USP34: variants seen among roughly 807,000 people sequenced by gnomAD.
USP34 encodes the protein ubiquitin carboxyl-terminal hydrolase 34.
Under a neutral mutation model 460.3 loss-of-function variants are expected in USP34, and 70 were observed. That is an observed-to-expected ratio of 0.15 (90% CI 0.13 to 0.19). USP34 has a LOEUF of 0.19. USP34 is among the 10% of genes least tolerant of loss of function. The pLI, the probability that USP34 is intolerant of heterozygous loss-of-function variation, is 1.00. For missense variants in USP34, 3,985 were observed against 4,236.2 expected (o/e 0.94, Z 1.65); for synonymous variants, 1,647 against 1,405.3 (o/e 1.17, Z -3.85).
chr2:61,347,131 C>A (rs1044973427), intron 15 of USP34, among the ~76,000 whole-genome samples: 1 of 151,808 alleles, frequency 6.6e-6, no homozygotes, highest in African/African-American at 2.4e-5. Flanking sequence ...CAGAGCGAGA[C>A]CCTGTCTCAA....
At chr2:61,399,614 G>A (rs1422942977) in intron 3 of USP34, among the ~76,000 whole-genome samples, 1 of 152,046 alleles carries the variant, frequency 6.6e-6, no homozygotes, top group Non-Finnish European at 1.5e-5. Context: ...GCTCATGCCT[G>A]TAATTCCCAG....
At chr2:61,442,250 A>G (rs1358693037) in intron 1 of USP34, among the ~76,000 whole-genome samples, 3 of 152,274 alleles carry the variant, frequency 2.0e-5, no homozygotes, top group South Asian at 4.1e-4. Context: ...CAAACAACAA[A>G]TGGAATTATG....
rs1416875523 is a variant in USP34, at chr2:61,188,617, T to C, written c.10126A>G (p.Thr3376Ala). 2 of 1,614,074 alleles carry C rather than the reference T, an allele frequency of 1.2e-6. No homozygotes were observed. The highest frequency in any genetic ancestry group is 1.7e-6 in the Non-Finnish European group (2 of 1,180,048). The change falls in exon 80 of 80, where the codon ACC becomes GCC. Residue 3376 changes from threonine to alanine, a missense_variant. Coordinates refer to ENST00000398571, the MANE Select transcript of USP34 (RefSeq NM_014709.4). ...DSCISDMKTE[T>A]REVLTPTSTS... is the part of the protein sequence containing the mutation. ...CTCGTTGGGGTCAGGACCTCCCTGG[T>C]TTCTGTTTTCATGTCACTGATGCAG...
intron 5 of USP34, among the ~76,000 whole-genome samples, chr2:61,393,039 G>A (rs1432437349): frequency 6.6e-6 from 1 of 152,138 alleles, no homozygotes; most frequent in East Asian, 1.9e-4. Context: ...TATGTCAAGT[G>A]TTACATTATG....
intron 10 of USP34, among the ~76,000 whole-genome samples, chr2:61,370,075 C>A (rs1692573885): frequency 6.8e-6 from 1 of 147,118 alleles, no homozygotes. Flanking sequence ...ATGAGAATAA[C>A]AGGAAAATGT....
At chr2:61,264,739 G>T (rs564090938) in intron 43 of USP34, among the ~76,000 whole-genome samples, 52 of 152,128 alleles carry the variant, frequency 3.4e-4, no homozygotes, top group African/African-American at 1.1e-3. Context: ...ATAGCCCATA[G>T]TTGGCCGGGC....
At chr2:61,241,683 T>C in intron 52 of USP34, 28 bp from the exon 53 acceptor site, 8 of 1,557,884 alleles carry the variant, frequency 5.1e-6, no homozygotes, top group Non-Finnish European at 6.9e-6. Flanking sequence ...AAAATTTATT[T>C]TCATTTTGAC....
chr2:61,458,807 C>T (rs1352410939), intron 1 of USP34, among the ~76,000 whole-genome samples: 1 of 152,050 alleles, frequency 6.6e-6, no homozygotes, highest in Admixed American at 6.6e-5. Flanking sequence ...GTGGCTCACG[C>T]CTGTAATCCC....
chr2:61,316,547 T>G (rs1408054065), intron 23 of USP34, among the ~76,000 whole-genome samples: 3 of 151,726 alleles, frequency 2.0e-5, no homozygotes, highest in Non-Finnish European at 4.4e-5. Context: ...ACTGTGCCAC[T>G]GCACTCCAGC....
intron 3 of USP34, among the ~76,000 whole-genome samples, chr2:61,397,286 T>C (rs1340481092): frequency 6.6e-6 from 1 of 151,010 alleles, no homozygotes; most frequent in Non-Finnish European, 1.5e-5. Context: ...CTACTAAAAA[T>C]ACAAAAATTA....
intron 12 of USP34, among the ~76,000 whole-genome samples, chr2:61,349,709 CG>C (rs1691887333): frequency 6.6e-6 from 1 of 151,892 alleles, no homozygotes; most frequent in East Asian, 1.9e-4. Context: ...GGCGTGGTGG[CG>C]GGCACCTGTA....
chr2:61,212,205 T>C (rs762040214), intron 68 of USP34, among the ~76,000 whole-genome samples: 62 of 152,142 alleles, frequency 4.1e-4, no homozygotes, highest in Non-Finnish European at 7.6e-4. Context: ...AAACTCTGTC[T>C]CTACTAAAAT....
At position 61,281,119 on chromosome 2, in the gene USP34, G is replaced by A. The variant is rs572101307; in HGVS notation, c.5122C>T (p.Pro1708Ser). 5.0e-6 allele frequency: 8 copies of A among 1,613,702 alleles called. No individual in the cohort carries two copies. In the East Asian group the frequency reaches 1.8e-4, roughly 36 times the overall value. ...ATAGGTTTGAGTGCTTGAGCATCAG[G>A]AAGAAATTTCAATAATGTTGAGGCA... is the stretch of plus-strand genomic sequence containing the variant. The part of the protein sequence containing the change: ...LAASTLLKFL[P>S]DAQALKPIRI... Residue 1708 changes from proline to serine, a missense_variant, in exon 38 of 80, where the codon CCT (proline) becomes TCT (serine). By Grantham distance (74) the Pro-to-Ser change is moderately conservative. Transcript: ENST00000398571.
chr2:61,256,775 T>C (rs753001121), intron 47 of USP34, 98 bp downstream of exon 47: 6 of 895,732 alleles, frequency 6.7e-6, no homozygotes, highest in Admixed American at 3.3e-5. Flanking sequence ...CATAAAAACA[T>C]GAAAAAAGTT....
intron 1 of USP34, among the ~76,000 whole-genome samples, chr2:61,465,771 A>T (rs188291787): frequency 2.0e-5 from 3 of 152,100 alleles, no homozygotes; most frequent in Admixed American, 1.3e-4. Flanking sequence ...AGGTCAAGAG[A>T]TCGAGACCAT....
In USP34 at chr2:61,417,445, T is replaced by C. The variant is rs1558582464; in HGVS notation, c.131+3301A>G. 1.7e-5 allele frequency: 6 copies of C among 360,528 alleles called. No individual in the cohort carries two copies. In the East Asian group the frequency reaches 2.9e-4, roughly 17 times the overall value. The allele number at this position is 360,528 out of a possible 1,614,324, so 22.3% of individuals were successfully genotyped here. A position where few individuals can be genotyped will look rare whatever the true frequency, so the allele number is the denominator to read the frequency against. The stretch of plus-strand genomic sequence containing the variant: ...ACTGTTAAACAGCACTTAAAAATGA[T>C]GACACAGATAATACTTGATCACACA... On this transcript the variant is annotated intron_variant, in intron 2 of 79. Transcript: ENST00000398571.
chr2:61,225,571 A>C (rs1435283199), intron 62 of USP34, among the ~76,000 whole-genome samples: 1 of 151,770 alleles, frequency 6.6e-6, no homozygotes, highest in Non-Finnish European at 1.5e-5. Flanking sequence ...TCCTCTATCC[A>C]CTGGAAACCA....
chr2:61,451,364 C>T (rs1695270950), intron 1 of USP34, among the ~76,000 whole-genome samples: 1 of 151,560 alleles, frequency 6.6e-6, no homozygotes, highest in Non-Finnish European at 1.5e-5. Flanking sequence ...AATAGGCCTC[C>T]AAGAATATAC....
At chr2:61,440,174 G>C (rs1023638002) in intron 1 of USP34, among the ~76,000 whole-genome samples, 6 of 152,168 alleles carry the variant, frequency 3.9e-5, no homozygotes, top group Admixed American at 6.5e-5. Context: ...TGGGCTGCTT[G>C]AGTCCTGTGG....
Sources: gnomAD v4.1 joint callset for allele counts (sites outside exome capture counted in the v4.1 genomes callset) on GRCh38, gnomAD v4.1.1 for gene constraint, MANE v1.5 for transcripts, NCBI Gene and HGNC (gene_info 2026-07-23, HGNC 2026-07-21) for gene names.